Variants in EMCN observed in about 807,000 individuals in gnomAD.
EMCN encodes endomucin, also known as MUC-14.
A neutral mutation model predicts 38.4 loss-of-function variants in EMCN; 37 were observed. The observed-to-expected ratio is 0.96, with a 90% CI of 0.74 to 1.27. The LOEUF (loss-of-function observed/expected upper bound fraction) is 1.27. Among genes scored for constraint, EMCN ranks in the 50% most tolerant of loss-of-function variants. The probability of loss-of-function intolerance (pLI) is 0.00; values close to 1 mark genes in which losing one functional copy is unlikely to be tolerated. For missense variants in EMCN, 318 were observed against 302.8 expected (o/e 1.05, Z -0.37); for synonymous variants, 95 against 100.8 (o/e 0.94, Z 0.35).
chr4:100,502,277 A>C lies in EMCN; in HGVS notation c.64+15574T>G, dbSNP rs182915360. ...ATGTTACCTGCACATGTGGCAAGAA[A>C]GAAAAGGGAAGACAAAACCTCCATG... On this transcript the variant is annotated intron_variant, in intron 1 of 11. Transcript: ENST00000296420. Among the ~76,000 whole-genome samples, 3 of 152,356 alleles carry C rather than the reference A, an allele frequency of 2.0e-5. No homozygotes were observed. In the East Asian group the frequency reaches 5.8e-4, roughly 29 times the overall value.
chr4:100,505,345 C>G (rs1248996122), intron 1 of EMCN, among the ~76,000 whole-genome samples: 1 of 152,080 alleles, frequency 6.6e-6, no homozygotes. Flanking sequence ...GGGGCTGGAC[C>G]CTACAAAGCC....
At chr4:100,504,682 C>T (rs1424635531) in intron 1 of EMCN, among the ~76,000 whole-genome samples, 4 of 152,238 alleles carry the variant, frequency 2.6e-5, no homozygotes, top group South Asian at 2.1e-4. Context: ...CTAGCGGTGA[C>T]GCCAGCGTCT....
Position 100,498,009 on chromosome 4 carries a change from T to G in EMCN, c.65-17970A>C, listed in dbSNP as rs543203698. The stretch of plus-strand genomic sequence containing the variant: ...TGATATTTAAGTATTAAGAGATAAC[T>G]ATTGCTGTTTTTTTCAATAGTGGTT... On this transcript the variant is annotated intron_variant, in intron 1 of 11. Coordinates refer to ENST00000296420, the MANE Select transcript of EMCN (RefSeq NM_016242.4). Among the ~76,000 whole-genome samples the G allele has an allele frequency of 2.0e-5, 3 of 152,292 alleles. No individual in the cohort carries two copies. The South Asian group carries it at 6.2e-4, about 32-fold the overall frequency.
intron 4 of EMCN, among the ~76,000 whole-genome samples, chr4:100,460,961 C>T (rs1728162309): frequency 1.3e-5 from 2 of 152,130 alleles, no homozygotes; most frequent in Non-Finnish European, 2.9e-5. Context: ...CATATCATTG[C>T]TCTGCTCTCA....
intron 5 of EMCN, among the ~76,000 whole-genome samples, chr4:100,443,657 A>T (rs1292543228): frequency 6.6e-6 from 1 of 152,218 alleles, no homozygotes; most frequent in Non-Finnish European, 1.5e-5. Flanking sequence ...TCATGGGCTC[A>T]GGGTCTTGTG....
intron 1 of EMCN, among the ~76,000 whole-genome samples, chr4:100,510,934 A>G (rs1422337646): frequency 6.6e-6 from 1 of 152,216 alleles, no homozygotes; most frequent in Non-Finnish European, 1.5e-5. Flanking sequence ...ACTGGTAGGC[A>G]AATGCCTACA....
intron 1 of EMCN, among the ~76,000 whole-genome samples, chr4:100,503,766 C>A (rs1346129629): frequency 6.6e-6 from 1 of 151,896 alleles, no homozygotes; most frequent in Non-Finnish European, 1.5e-5. Context: ...CAGGATTTTG[C>A]CATATTATCC....
intron 1 of EMCN, among the ~76,000 whole-genome samples, chr4:100,505,782 G>T (rs1729465868): frequency 6.6e-6 from 1 of 152,022 alleles, no homozygotes; most frequent in South Asian, 2.1e-4. Flanking sequence ...CTTGAGAGAG[G>T]AAGCAGAAAA....
chr4:100,419,151 C>T (rs1726819640), intron 8 of EMCN, among the ~76,000 whole-genome samples: 1 of 152,062 alleles, frequency 6.6e-6, no homozygotes, highest in African/African-American at 2.4e-5. Context: ...AGACTATTTT[C>T]TGCGTATATA....
At chr4:100,516,634 A>C (rs753991544) in intron 1 of EMCN, among the ~76,000 whole-genome samples, 8 of 152,142 alleles carry the variant, frequency 5.3e-5, no homozygotes, top group Non-Finnish European at 7.4e-5. Flanking sequence ...ACTTAACCGC[A>C]GAAACTCCAA....
chr4:100,470,469 AAG>A (rs1198780381), intron 3 of EMCN, among the ~76,000 whole-genome samples: 1 of 151,944 alleles, frequency 6.6e-6, no homozygotes, highest in Non-Finnish European at 1.5e-5. Flanking sequence ...AACATTGTGG[AAG>A]ACAGTATGGC....
chr4:100,489,820 G>A (rs760263788), intron 1 of EMCN, among the ~76,000 whole-genome samples: 12 of 152,242 alleles, frequency 7.9e-5, no homozygotes, highest in South Asian at 6.2e-4. Flanking sequence ...CCACAAGGCC[G>A]ACTGTGGGAC....
At position 100,465,546 on chromosome 4, in the gene EMCN, A is replaced by G; in HGVS notation, c.260-7T>C. 1 of 1,543,822 alleles carries G rather than the reference A, an allele frequency of 6.5e-7. No individual in the cohort carries two copies. The highest frequency in any genetic ancestry group is 8.9e-7 in the Non-Finnish European group (1 of 1,122,762). On this transcript the variant is annotated splice_polypyrimidine_tract_variant and splice_region_variant and intron_variant, in intron 3 of 11. Coordinates refer to ENST00000296420, the MANE Select transcript of EMCN (RefSeq NM_016242.4). ...GTGGTTGTGGCTTTCAATCCTATAA[A>G]AAGAATGAACAGTCATCAGGAGTAT...
chr4:100,498,518 C>G (rs913760478), intron 1 of EMCN, among the ~76,000 whole-genome samples: 6 of 151,598 alleles, frequency 4.0e-5, no homozygotes, highest in Non-Finnish European at 5.9e-5. Flanking sequence ...CGGAGTCTCG[C>G]TCTGTCACCC....
At chr4:100,482,516 G>A (rs1479682588) in intron 1 of EMCN, among the ~76,000 whole-genome samples, 1 of 152,146 alleles carries the variant, frequency 6.6e-6, no homozygotes, top group Non-Finnish European at 1.5e-5. Context: ...CATGCAGGGA[G>A]AGGAAAGGGC....
At chr4:100,478,868 G>A (rs191070709) in intron 2 of EMCN, among the ~76,000 whole-genome samples, 62 of 152,260 alleles carry the variant, frequency 4.1e-4, no homozygotes, top group African/African-American at 1.5e-3. Context: ...GTGTGTGTGT[G>A]TATGTGTGGG....
At chr4:100,483,007 CCT>C (rs1728852349) in intron 1 of EMCN, among the ~76,000 whole-genome samples, 2 of 152,030 alleles carry the variant, frequency 1.3e-5, no homozygotes, top group Non-Finnish European at 2.9e-5. Flanking sequence ...CCTGATTTCC[CCT>C]GAGTCAAACT....
intron 11 of EMCN, among the ~76,000 whole-genome samples, chr4:100,402,236 A>G (rs1046747912): frequency 1.3e-5 from 2 of 152,152 alleles, no homozygotes; most frequent in Non-Finnish European, 2.9e-5. Flanking sequence ...ATCACATTAA[A>G]CATAATACTG....
In EMCN at chr4:100,422,717, T is replaced by C. The variant is rs149188798; in HGVS notation, c.568+304A>G. 4.6e-5 allele frequency among the ~76,000 whole-genome samples: 7 copies of C among 152,044 alleles called. No individual in the cohort carries two copies. In the East Asian group the frequency reaches 1.2e-3, roughly 25 times the overall value. ...CTTATCTGAAACTAGTCCCATCGAG[T>C]CATCCTTGGCCCTTGATCGTAATTG... On this transcript the variant is annotated intron_variant, in intron 7 of 11. Transcript: ENST00000296420.
Sources: gnomAD v4.1 joint callset for allele counts (sites outside exome capture counted in the v4.1 genomes callset) on GRCh38, gnomAD v4.1.1 for gene constraint, MANE v1.5 for transcripts, NCBI Gene and HGNC (gene_info 2026-07-23, HGNC 2026-07-21) for gene names.